The following NFATC1 variants were observed in gnomAD, a reference collection of about 807,000 sequenced individuals.
NFATC1 encodes the protein nuclear factor of activated T cells 1, also known as nuclear factor of activated T-cells, cytoplasmic 1.
A neutral mutation model predicts 76.0 loss-of-function variants in NFATC1; 22 were observed. The observed-to-expected ratio is 0.29, with a 90% CI of 0.21 to 0.41. The LOEUF (loss-of-function observed/expected upper bound fraction) is 0.41, where lower values mean the gene tolerates loss of function less well. NFATC1 is among the 10% of genes least tolerant of loss of function. The pLI, the probability that NFATC1 is intolerant of heterozygous loss-of-function variation, is 1.00. For missense variants in NFATC1, 1,357 were observed against 1,337.7 expected (o/e 1.01, Z -0.23); for synonymous variants, 704 against 613.1 (o/e 1.15, Z -2.19).
intron 1 of NFATC1, among the ~76,000 whole-genome samples, chr18:79,398,235 C>G (rs2085069392): frequency 6.6e-6 from 1 of 152,236 alleles, no homozygotes; most frequent in Non-Finnish European, 1.5e-5. Flanking sequence ...AGTAGCCACC[C>G]AGTCAGAAGT....
At chr18:79,527,180 A>G (rs535990527) in intron 9 of NFATC1, 1 of 212,294 alleles carries the variant, frequency 4.7e-6, no homozygotes, top group East Asian at 1.1e-4. Flanking sequence ...GACACCACAG[A>G]AGTGCTGGTG....
At chr18:79,459,629 G>A (rs149902470) in intron 6 of NFATC1, among the ~76,000 whole-genome samples, 279 of 152,334 alleles carry the variant, frequency 1.8e-3, no homozygotes, top group African/African-American at 6.4e-3. Context: ...GTGACTCTGA[G>A]CTTCCTGGGC....
chr18:79,482,416 G>A (rs1175368941), intron 8 of NFATC1, among the ~76,000 whole-genome samples: 1 of 137,576 alleles, frequency 7.3e-6, no homozygotes, highest in Admixed American at 7.3e-5. Flanking sequence ...TTCCTGGGGT[G>A]TCATTCCAGC....
chr18:79,426,781 G>A (rs2086351425), intron 2 of NFATC1, among the ~76,000 whole-genome samples: 3 of 152,250 alleles, frequency 2.0e-5, no homozygotes, highest in Non-Finnish European at 2.9e-5. Context: ...GCAGATTCGC[G>A]GGAAGCTGGG....
rs772022165 is a variant in NFATC1 at position 79,486,858 on chromosome 18, C to T, written c.2703C>T (p.Asp901=). The part of the protein sequence containing the change: ...GPRLLPEVHE[D]GSPNLAPIPV... ...GGCTGCTGCCAGAGGTGCATGAGGA[C>T]GGTAGTCCTAATTTGGCCCCTATTC... is the stretch of plus-strand genomic sequence containing the variant. Residue 901 remains aspartate (D), a synonymous_variant, in exon 9 of 10, where the codon GAC becomes GAT. Transcript: ENST00000427363. 28 of 1,611,750 alleles carry T rather than the reference C, an allele frequency of 1.7e-5. No individual in the cohort carries two copies. Among genetic ancestry groups the T allele is most frequent in the African/African-American group, 6.7e-5 (5 of 74,900 alleles).
chr18:79,444,443 GC>G, intron 3 of NFATC1, among the ~76,000 whole-genome samples: 1 of 109,930 alleles, frequency 9.1e-6, no homozygotes, highest in Non-Finnish European at 1.8e-5. Context: ...CCGAGCCCAC[GC>G]TGCTCTGGAG....
At chr18:79,457,975 T>G (rs537047431) in intron 6 of NFATC1, among the ~76,000 whole-genome samples, 9 of 152,312 alleles carry the variant, frequency 5.9e-5, no homozygotes, top group South Asian at 2.1e-4. Flanking sequence ...TGCCCACACC[T>G]GTCTGTCGAT....
intron 1 of NFATC1, among the ~76,000 whole-genome samples, chr18:79,397,256 T>C (rs953287128): frequency 8.5e-5 from 13 of 152,246 alleles, no homozygotes; most frequent in Non-Finnish European, 1.8e-4. Context: ...CTAATGGAAA[T>C]TGGAAGACGC....
intron 7 of NFATC1, among the ~76,000 whole-genome samples, chr18:79,464,901 C>T (rs1276460383): frequency 6.6e-6 from 1 of 151,414 alleles, no homozygotes; most frequent in African/African-American, 2.4e-5. Flanking sequence ...GATGGGGCCT[C>T]GCGGTGTTGC....
At chr18:79,396,826 G>A (rs1434944467) in intron 1 of NFATC1, among the ~76,000 whole-genome samples, 1 of 149,516 alleles carries the variant, frequency 6.7e-6, no homozygotes, top group Non-Finnish European at 1.5e-5. Flanking sequence ...AGCTCGTGGC[G>A]GCGTCTCCCT....
intron 1 of NFATC1, chr18:79,400,279 C>CCG: frequency 1.0e-6 from 1 of 953,180 alleles, no homozygotes; most frequent in Non-Finnish European, 1.3e-6. Flanking sequence ...GGGGCGGGGA[C>CCG]GGGGGGAGGG....
intron 2 of NFATC1, among the ~76,000 whole-genome samples, chr18:79,416,802 C>T (rs531807625): frequency 5.3e-5 from 8 of 152,350 alleles, no homozygotes; most frequent in East Asian, 1.9e-4. Context: ...CTCTGGTTCC[C>T]GCTAACCCTT....
At chr18:79,464,898 C>G (rs1011860965) in intron 7 of NFATC1, among the ~76,000 whole-genome samples, 3 of 150,840 alleles carry the variant, frequency 2.0e-5, no homozygotes, top group Non-Finnish European at 4.4e-5. Flanking sequence ...AGAGATGGGG[C>G]CTCGCGGTGT....
At chr18:79,504,655 G>C (rs1222891095) in intron 9 of NFATC1, among the ~76,000 whole-genome samples, 1 of 152,272 alleles carries the variant, frequency 6.6e-6, no homozygotes, top group Non-Finnish European at 1.5e-5. Context: ...AGACATGCCT[G>C]GTGCAGGGTT....
In NFATC1 at chr18:79,486,896, A is replaced by G; in HGVS notation, c.2741A>G (p.Lys914Arg). 6.2e-7 allele frequency: 1 copy of G among 1,608,658 alleles called. No individual in the cohort carries two copies. The highest frequency in any genetic ancestry group is 8.5e-7 in the Non-Finnish European group (1 of 1,177,760). Reference sequence around the variant, plus strand: ...TTGGCCCCTATTCCTGTAACGGTCAAGCGAGAGCCTGAAGAGTTGGACCAG... The same window carrying G: ...TTGGCCCCTATTCCTGTAACGGTCAGGCGAGAGCCTGAAGAGTTGGACCAG... ...PNLAPIPVTV[K>R]REPEELDQLY... is the part of the protein sequence containing the mutation. The change falls in exon 9 of 10, where the codon AAG (lysine) becomes AGG (arginine). Residue 914 changes from lysine (K) to arginine (R), a missense_variant. This residue lies in a region of NFATC1 where 424 missense variants were observed against 395.4 expected (regional missense o/e 1.07). Transcript: ENST00000427363.
intron 1 of NFATC1, among the ~76,000 whole-genome samples, chr18:79,401,996 T>C (rs2085277894): frequency 6.6e-6 from 1 of 152,148 alleles, no homozygotes; most frequent in South Asian, 2.1e-4. Flanking sequence ...GTTATCCCCA[T>C]GGAGCTGGGT....
intron 1 of NFATC1, among the ~76,000 whole-genome samples, chr18:79,399,611 C>A (rs1220307993): frequency 5.3e-5 from 8 of 152,248 alleles, no homozygotes; most frequent in Admixed American, 4.6e-4. Context: ...TAGGGTGGGA[C>A]CCGAACTCGC....
In NFATC1 at chr18:79,483,818, C is replaced by G. The variant is rs561591186; in HGVS notation, c.2093-2430C>G. 3.2e-4 allele frequency among the ~76,000 whole-genome samples: 45 copies of G among 140,494 alleles called. 1 individual carries two copies. Among genetic ancestry groups the G allele is most frequent in the Non-Finnish European group, 3.8e-4 (25 of 66,160 alleles). 92.2% of individuals were successfully genotyped at this position (140,494 alleles called of 152,430 possible). A position where few individuals can be genotyped will look rare whatever the true frequency, so the allele number is the denominator to read the frequency against. On this transcript the variant is annotated intron_variant, in intron 8 of 9. Transcript: ENST00000427363. ...TCCTGAGGTGTCACTCCAGCGTGAC[C>G]TGGTCCTGGGGTGTCATTCCAGCGT... is the stretch of plus-strand genomic sequence containing the variant.
chr18:79,512,984 A>C (rs904430923), intron 9 of NFATC1, among the ~76,000 whole-genome samples: 2 of 152,232 alleles, frequency 1.3e-5, no homozygotes, highest in South Asian at 2.1e-4. Flanking sequence ...TCATGTGCCT[A>C]TAAGATGGGA....
Sources: gnomAD v4.1 joint callset for allele counts (sites outside exome capture counted in the v4.1 genomes callset) on GRCh38, gnomAD v4.1.1 for gene constraint, gnomAD v4.1.1 regional missense constraint, MANE v1.5 for transcripts, NCBI Gene and HGNC (gene_info 2026-07-23, HGNC 2026-07-21) for gene names.